OR52B4: variants seen among roughly 807,000 people sequenced by gnomAD.
OR52B4 encodes the protein olfactory receptor family 52 subfamily B member 4.
For missense variants in OR52B4, 450 were observed against 387.0 expected (o/e 1.16, Z -1.36); for synonymous variants, 182 against 142.3 (o/e 1.28, Z -1.98).
chr11:4,368,164 G>T lies in OR52B4; in HGVS notation c.132C>A (p.Asn44Lys). 6.3e-7 allele frequency: 1 copy of T among 1,597,476 alleles called. No individual in the cohort carries two copies. Among genetic ancestry groups the T allele is most frequent in the Non-Finnish European group, 8.5e-7 (1 of 1,171,972 alleles). Reference protein sequence around the residue: ...FISYVTALLGNSLLIFIILTK... With the variant: ...FISYVTALLGKSLLIFIILTK... ...TGAGGATAATGAAGATGAGCAGGCT[G>T]TTCCCAAGAAGGGCGGTGACATAGG... Residue 44 changes from asparagine to lysine, a missense_variant, in exon 1 of 1, where the codon AAC (asparagine) becomes AAA (lysine). Asn to Lys is a moderately conservative substitution (Grantham distance 94). Coordinates refer to ENST00000624801, the MANE Select transcript of OR52B4 (RefSeq NM_001005161.3).
Position 4,367,276 on chromosome 11 carries a change from C to T in OR52B4, c.*75G>A. ...AGTTATTTCCTACGGTATCAGCTGA[C>T]CTCTCCCATCTACCACTTTCATACC... is the stretch of plus-strand genomic sequence containing the variant. On this transcript the variant is annotated 3_prime_UTR_variant, in exon 1 of 1. Coordinates refer to ENST00000624801, the MANE Select transcript of OR52B4 (RefSeq NM_001005161.3). 1 of 870,562 alleles carries T rather than the reference C, an allele frequency of 1.1e-6. No homozygotes were observed. The highest frequency in any genetic ancestry group is 2.6e-5 in the East Asian group (1 of 38,992). The allele number at this position is 870,562 out of a possible 1,614,324, so 53.9% of individuals were successfully genotyped here. A position where few individuals can be genotyped will look rare whatever the true frequency, so the allele number is the denominator to read the frequency against.
At position 4,367,855 on chromosome 11, in the gene OR52B4, A is replaced by G; in HGVS notation, c.441T>C (p.Cys147=). ...ILTNALIKKI[C]VTVSLRSYGT... is the part of the protein sequence containing the mutation. ...CATAACTTCTCAGAGAGACAGTCAC[A>G]CAAATTTTCTTGATCAGAGCATTTG... is the stretch of plus-strand genomic sequence containing the variant. The change falls in exon 1 of 1, where the codon TGT becomes TGC. Residue 147 remains cysteine, a synonymous_variant. Coordinates refer to ENST00000624801, the MANE Select transcript of OR52B4 (RefSeq NM_001005161.3). 1 of 1,614,106 alleles carries G rather than the reference A, an allele frequency of 6.2e-7. No individual in the cohort carries two copies.
Sources: gnomAD v4.1 joint callset for allele counts on GRCh38, gnomAD v4.1.1 for gene constraint, MANE v1.5 for transcripts, NCBI Gene and HGNC (gene_info 2026-07-23, HGNC 2026-07-21) for gene names.